The following HFM1 variants were observed in gnomAD, a reference collection of about 807,000 sequenced individuals.
HFM1 encodes helicase for meiosis 1, also known as probable ATP-dependent DNA helicase HFM1.
In HFM1, 169 loss-of-function variants were observed where a neutral mutation model predicts 192.1. The ratio of observed to expected loss-of-function variants is 0.88; its 90% CI spans 0.78 to 1.00. The LOEUF (loss-of-function observed/expected upper bound fraction) is 1.00, where lower values mean the gene tolerates loss of function less well. Ranked by LOEUF, HFM1 falls within the 50% of genes least tolerant of loss-of-function variation. The probability of loss-of-function intolerance (pLI) is 0.00; values close to 1 mark genes in which losing one functional copy is unlikely to be tolerated. For missense variants in HFM1, 1,661 were observed against 1,668.0 expected (o/e 1.00, Z 0.07); for synonymous variants, 525 against 537.8 (o/e 0.98, Z 0.33).
At chr1:91,281,493 ACTTC>A (rs1170257363) in intron 30 of HFM1, among the ~76,000 whole-genome samples, 1 of 152,042 alleles carries the variant, frequency 6.6e-6, no homozygotes, top group African/African-American at 2.4e-5. Context: ...TCACCTTTGA[ACTTC>A]CTTTCATTAA....
In HFM1 at chr1:91,314,029, C is replaced by T; in HGVS notation, c.3172G>A (p.Ala1058Thr). Residue 1058 changes from alanine to threonine, a missense_variant, in exon 29 of 39, where the codon GCT becomes ACT. Coordinates refer to ENST00000370425, the MANE Select transcript of HFM1 (RefSeq NM_001017975.6). ...DSVLLKAGSW[A>T]KKIAVKRALK... The stretch of plus-strand genomic sequence containing the variant: ...GCTCTTTTCACAGCAATCTTTTTAG[C>T]CCAACTTCCAGCTTTTAGCAAAACA... The T allele has an allele frequency of 6.2e-7, 1 of 1,609,622 alleles. No individual in the cohort carries two copies. Among genetic ancestry groups the T allele is most frequent in the Non-Finnish European group, 8.5e-7 (1 of 1,177,078 alleles).
chr1:91,353,211 C>A (rs199522725), intron 14 of HFM1, 45 bp downstream of exon 14: 1 of 1,558,642 alleles, frequency 6.4e-7, no homozygotes, highest in Admixed American at 1.7e-5. Flanking sequence ...TGGCACCTTT[C>A]ATCTATATGT....
chr1:91,276,862 A>C, intron 31 of HFM1, 119 bp from the exon 32 acceptor site: 1 of 814,142 alleles, frequency 1.2e-6, no homozygotes, highest in Non-Finnish European at 1.9e-6. Context: ...ACAGAGAGAA[A>C]ATTATTTGCA....
In HFM1 at chr1:91,353,227, T is replaced by C. The variant is rs182437777; in HGVS notation, c.1729+29A>G. The C allele has an allele frequency of 3.2e-6, 5 of 1,573,920 alleles. No homozygotes were observed. The East Asian group carries it at 9.0e-5, about 28-fold the overall frequency. On this transcript the variant is annotated intron_variant, in intron 14 of 38. Coordinates refer to ENST00000370425, the MANE Select transcript of HFM1 (RefSeq NM_001017975.6). ...GGCACCTTTCATCTATATGTGAAAA[T>C]GCTATTCAAAAATTATCTCTAAACC...
chr1:91,395,483 AT>A (rs1663548574), intron 3 of HFM1, among the ~76,000 whole-genome samples: 1 of 151,738 alleles, frequency 6.6e-6, no homozygotes. Flanking sequence ...GATGAGGAGG[AT>A]CTGTTTGTTT....
At chr1:91,366,907 C>G (rs1659400512) in intron 13 of HFM1, among the ~76,000 whole-genome samples, 1 of 152,158 alleles carries the variant, frequency 6.6e-6, no homozygotes, top group African/African-American at 2.4e-5. Context: ...TCACTCCCAC[C>G]CTAAAACTGC....
At chr1:91,340,498 A>G (rs1413547353) in intron 20 of HFM1, among the ~76,000 whole-genome samples, 3 of 152,214 alleles carry the variant, frequency 2.0e-5, no homozygotes, top group Non-Finnish European at 2.9e-5. Flanking sequence ...TGGCCACCAC[A>G]AAGACACACT....
chr1:91,351,294 CT>C (rs1656904083), intron 17 of HFM1, among the ~76,000 whole-genome samples: 1 of 151,730 alleles, frequency 6.6e-6, no homozygotes, highest in African/African-American at 2.4e-5. Flanking sequence ...ATTACTAAGG[CT>C]TTATTACAAA....
chr1:91,347,447 T>C lies in HFM1; in HGVS notation c.2236A>G (p.Ile746Val). 6.3e-7 allele frequency: 1 copy of C among 1,589,000 alleles called. No homozygotes were observed. Among genetic ancestry groups the C allele is most frequent in the Non-Finnish European group, 8.6e-7 (1 of 1,166,034 alleles). ...ATCTAACCTTGTAATTTTGCTTCAA[T>C]TCCATCTTTGTTCAATCCAGATGCA... The part of the protein sequence containing the change: ...GFASGLNKDG[I>V]EAKLQELCLK... The change falls in exon 19 of 39, where the codon ATT (isoleucine) becomes GTT (valine). Residue 746 changes from isoleucine (I) to valine (V), a missense_variant. Ile to Val is a conservative substitution (Grantham distance 29, BLOSUM62 3). Coordinates refer to ENST00000370425, the MANE Select transcript of HFM1 (RefSeq NM_001017975.6).
intron 21 of HFM1, among the ~76,000 whole-genome samples, chr1:91,323,722 T>C (rs1487140324): frequency 3.3e-5 from 5 of 152,216 alleles, no homozygotes; most frequent in African/African-American, 9.6e-5. Context: ...ATATCTAAAA[T>C]GGAACTAACA....
chr1:91,382,542 T>C (rs1225362872), intron 6 of HFM1, among the ~76,000 whole-genome samples: 1 of 152,222 alleles, frequency 6.6e-6, no homozygotes, highest in African/African-American at 2.4e-5. Context: ...CTCATTTTAC[T>C]TTCTGATGTG....
At chr1:91,298,012 C>T (rs1283934546) in intron 30 of HFM1, among the ~76,000 whole-genome samples, 3 of 151,972 alleles carry the variant, frequency 2.0e-5, no homozygotes, top group African/African-American at 7.3e-5. Context: ...GAAGTTTGAA[C>T]CCATGGCAAA....
At chr1:91,285,075 C>T (rs1667818538) in intron 30 of HFM1, among the ~76,000 whole-genome samples, 1 of 152,098 alleles carries the variant, frequency 6.6e-6, no homozygotes, top group Non-Finnish European at 1.5e-5. Flanking sequence ...GGCTCTCATT[C>T]TCTCTTGTCT....
upstream of HFM1, among the ~76,000 whole-genome samples, chr1:91,405,660 T>C (rs1664767185): frequency 6.6e-6 from 1 of 152,198 alleles, no homozygotes; most frequent in African/African-American, 2.4e-5. Flanking sequence ...CTCTAACTCC[T>C]AGATACTGCT....
At position 91,277,059 on chromosome 1, in the gene HFM1, G is replaced by A. The variant is rs770714735; in HGVS notation, c.3395C>T (p.Thr1132Met). The A allele has an allele frequency of 5.7e-5, 89 of 1,570,808 alleles. 1 individual carries two copies. Among genetic ancestry groups the A allele is most frequent in the African/African-American group, 6.8e-5 (5 of 73,806 alleles). The change falls in exon 31 of 39, where the codon ACG becomes ATG. Residue 1132 changes from threonine to methionine, a missense_variant. Thr to Met is a moderately conservative substitution (Grantham distance 81, BLOSUM62 -1). Transcript: ENST00000370425. ...GTTCCCAGGTTTTTTGCTGGCAGTC[G>A]TTCCTAAATTAATATAAGAAAAACA... ...ISTIAGPNKG[T>M]TASKKPGNRE... is the part of the protein sequence containing the mutation.
chr1:91,355,822 T>C (rs1462399227), intron 13 of HFM1, among the ~76,000 whole-genome samples: 1 of 152,116 alleles, frequency 6.6e-6, no homozygotes, highest in African/African-American at 2.4e-5. Flanking sequence ...GACCGAAAGT[T>C]AACAAAGAAA....
intron 34 of HFM1, among the ~76,000 whole-genome samples, chr1:91,269,093 TAAGC>T (rs1316124907): frequency 6.6e-6 from 1 of 152,082 alleles, no homozygotes; most frequent in Non-Finnish European, 1.5e-5. Flanking sequence ...GTCTAAAAAA[TAAGC>T]AAAACAATAA....
At chr1:91,281,733 A>G (rs1459118660) in intron 30 of HFM1, among the ~76,000 whole-genome samples, 1 of 152,118 alleles carries the variant, frequency 6.6e-6, no homozygotes, top group Non-Finnish European at 1.5e-5. Flanking sequence ...ATTTTTTATT[A>G]TTACAGTTTT....
chr1:91,272,855 A>ACATGAAGAAAAAAAAATGACAG (rs1666448872), intron 34 of HFM1, among the ~76,000 whole-genome samples: 1 of 152,068 alleles, frequency 6.6e-6, no homozygotes, highest in African/African-American at 2.4e-5. Context: ...AAAAGTTACA[A>ACATGAAGAAAAAAAAATGACAG]CATGAAGAAA....
Sources: gnomAD v4.1 joint callset for allele counts (sites outside exome capture counted in the v4.1 genomes callset) on GRCh38, gnomAD v4.1.1 for gene constraint, MANE v1.5 for transcripts, NCBI Gene and HGNC (gene_info 2026-07-23, HGNC 2026-07-21) for gene names.